IPO8: variants seen among roughly 807,000 people sequenced by gnomAD.
IPO8 encodes importin 8.
IPO8 carries 65 observed loss-of-function variants against 141.2 expected under a neutral mutation model. That is an observed-to-expected ratio of 0.46 (90% CI 0.38 to 0.57). IPO8 has a LOEUF of 0.57. IPO8 is among the 20% of genes least tolerant of loss of function. The pLI is 0.00. For synonymous variants in IPO8, 411 were observed against 420.3 expected, an observed-to-expected ratio of 0.98 and a Z score of 0.27; for missense variants, 980 against 1,246.8, an observed-to-expected ratio of 0.79 and a Z score of 3.22.
At chr12:30,640,852 AC>A (rs1405873707) in intron 20 of IPO8, among the ~76,000 whole-genome samples, 1 of 152,218 alleles carries the variant, frequency 6.6e-6, no homozygotes, top group Non-Finnish European at 1.5e-5. Context: ...TAGGAGGAGG[AC>A]ATTGAATGTT....
rs773540210 is a variant in IPO8 at position 30,637,237 on chromosome 12, G to A, written c.2490-50C>T. ...ATGTAGACATGAGAAGTGGAATAAA[G>A]AACAAATTCTGGAGAAACTACAAAA... On this transcript the variant is annotated intron_variant, in intron 21 of 24. Coordinates refer to ENST00000256079, the MANE Select transcript of IPO8 (RefSeq NM_006390.4). 2.9e-6 allele frequency: 4 copies of A among 1,379,294 alleles called. No homozygotes were observed. In the East Asian group the frequency reaches 6.9e-5, roughly 24 times the overall value. The allele number at this position is 1,379,294 out of a possible 1,614,324, so 85.4% of individuals were successfully genotyped here.
chr12:30,695,440 A>G lies in IPO8; in HGVS notation c.84+124T>C. On this transcript the variant is annotated intron_variant, in intron 1 of 24. Coordinates refer to ENST00000256079, the MANE Select transcript of IPO8 (RefSeq NM_006390.4). The surrounding 1 kb of genome is among the most constrained non-coding windows in gnomAD (Gnocchi z 4.2). ...GGCAGCGGGGTCGGAGAGCGGGACC[A>G]GCCGTGAGGCGTCAGCCCCAGCCCG... is the stretch of plus-strand genomic sequence containing the variant. 1.3e-6 allele frequency: 1 copy of G among 756,772 alleles called. No individual in the cohort carries two copies. Among genetic ancestry groups the G allele is most frequent in the Non-Finnish European group, 2.2e-6 (1 of 454,684 alleles). The allele number at this position is 756,772 out of a possible 1,614,324, so 46.9% of individuals were successfully genotyped here.
intron 8 of IPO8, 99 bp downstream of exon 8, chr12:30,673,891 G>A (rs2053083977): frequency 3.1e-6 from 2 of 643,884 alleles, no homozygotes; most frequent in East Asian, 2.6e-5. Flanking sequence ...CTATAAATAT[G>A]TAATGAATTA....
chr12:30,669,453 A>G (rs1285844815), intron 9 of IPO8, among the ~76,000 whole-genome samples, 171 bp from the exon 10 acceptor site: 1 of 151,986 alleles, frequency 6.6e-6, no homozygotes, highest in Non-Finnish European at 1.5e-5. Flanking sequence ...TTATTTTGAA[A>G]TTTTTTTTAA....
At chr12:30,658,153 C>A (rs1225975805) in intron 16 of IPO8, among the ~76,000 whole-genome samples, 1 of 152,100 alleles carries the variant, frequency 6.6e-6, no homozygotes, top group Non-Finnish European at 1.5e-5. Context: ...TCAAATGATC[C>A]AAAATTTCCC....
In IPO8 at chr12:30,675,201, AC is replaced by A. The variant is rs993018079; in HGVS notation, c.730-449del. On this transcript the variant is annotated intron_variant, in intron 6 of 24. Coordinates refer to ENST00000256079, the MANE Select transcript of IPO8 (RefSeq NM_006390.4). ...AATAATACTGCACATTTTAAGACAA[AC>A]TAAAATTTTAATAGATACAAGAACT... Among the ~76,000 whole-genome samples, 408 of 152,366 alleles carry A rather than the reference AC, an allele frequency of 2.7e-3. 1 individual carries two copies. Among genetic ancestry groups the A allele is most frequent in the African/African-American group, 9.3e-3 (386 of 41,584 alleles).
intron 7 of IPO8, 111 bp downstream of exon 7, chr12:30,674,548 G>T: frequency 1.3e-6 from 1 of 761,368 alleles, no homozygotes; most frequent in Non-Finnish European, 2.3e-6. Context: ...TTAAAATTAA[G>T]CTACTTTAAA....
chr12:30,655,403 T>A (rs1378172292), intron 17 of IPO8, among the ~76,000 whole-genome samples: 2 of 152,202 alleles, frequency 1.3e-5, no homozygotes, highest in African/African-American at 4.8e-5. Context: ...ATATATGTAT[T>A]TTGTGGAATG....
intron 22 of IPO8, among the ~76,000 whole-genome samples, chr12:30,635,281 T>C (rs1165641034): frequency 6.6e-6 from 1 of 152,090 alleles, no homozygotes; most frequent in African/African-American, 2.4e-5. Context: ...CAGTTAATAG[T>C]ATATGTACAT....
At chr12:30,688,221 G>A (rs2053260785) in intron 2 of IPO8, 1 of 197,076 alleles carries the variant, frequency 5.1e-6, no homozygotes, top group African/African-American at 2.4e-5. Context: ...TATTAATAAT[G>A]CTATTATGCT....
chr12:30,682,979 G>A (rs1446350774), intron 3 of IPO8, among the ~76,000 whole-genome samples: 2 of 152,120 alleles, frequency 1.3e-5, no homozygotes, highest in East Asian at 1.9e-4. Context: ...TTTAGTGCCA[G>A]TAGTAGCTGC....
chr12:30,688,342 G>A (rs1350217108), intron 2 of IPO8: 1 of 386,368 alleles, frequency 2.6e-6, no homozygotes, highest in Non-Finnish European at 5.0e-6. Flanking sequence ...TCACAGTAAG[G>A]TAAGAAAGGA....
chr12:30,671,474 G>C (rs972125506), intron 8 of IPO8, among the ~76,000 whole-genome samples: 12 of 151,850 alleles, frequency 7.9e-5, no homozygotes, highest in African/African-American at 1.7e-4. Context: ...GAGAACGAGA[G>C]CATCCTGGCT....
chr12:30,663,437 G>C (rs2052916435), intron 14 of IPO8, 52 bp downstream of exon 14: 2 of 1,475,886 alleles, frequency 1.4e-6, no homozygotes, highest in Non-Finnish European at 1.9e-6. Flanking sequence ...CATTAGGGAA[G>C]AAAGTAAATG....
At position 30,695,767 on chromosome 12, in the gene IPO8, C is replaced by T; in HGVS notation, c.-120G>A. On this transcript the variant is annotated 5_prime_UTR_variant, in exon 1 of 25. Coordinates refer to ENST00000256079, the MANE Select transcript of IPO8 (RefSeq NM_006390.4). This position sits in a 1 kb window ranked among gnomAD's most constrained non-coding sequence, Gnocchi z 4.2. ...CTGGATTACCTCACACCCCACCCCC[C>T]GCCACCGTCGCCACCTGCGGCCACT... The T allele has an allele frequency of 2.5e-6, 2 of 807,196 alleles. No individual in the cohort carries two copies. The highest frequency in any genetic ancestry group is 3.6e-5 in the South Asian group (2 of 55,480). 50.0% of individuals were successfully genotyped at this position (807,196 alleles called of 1,614,324 possible).
At chr12:30,644,854 T>C (rs1206278829) in intron 20 of IPO8, among the ~76,000 whole-genome samples, 3 of 151,442 alleles carry the variant, frequency 2.0e-5, no homozygotes, top group African/African-American at 7.3e-5. Flanking sequence ...GGTTTCACCA[T>C]GTTGGCCAGG....
At chr12:30,652,526 C>T (rs1483766438) in intron 18 of IPO8, among the ~76,000 whole-genome samples, 1 of 151,952 alleles carries the variant, frequency 6.6e-6, no homozygotes, top group Non-Finnish European at 1.5e-5. Flanking sequence ...TCCCTTTCTC[C>T]ACTGCACACT....
chr12:30,682,143 T>A (rs1279982514), intron 3 of IPO8, among the ~76,000 whole-genome samples: 1 of 152,178 alleles, frequency 6.6e-6, no homozygotes, highest in African/African-American at 2.4e-5. Context: ...AATTTCCAGC[T>A]TATTATATCT....
At position 30,681,707 on chromosome 12, in the gene IPO8, C is replaced by G; in HGVS notation, c.434G>C (p.Ser145Thr). Residue 145 changes from serine to threonine, a missense_variant, in exon 4 of 25, where the codon AGC (serine) becomes ACC (threonine). Transcript: ENST00000256079. The stretch of plus-strand genomic sequence containing the variant: ...CAGGCATAATAAACTGCCAAGCCAG[C>G]TTGCACTGCTCTGTGATTGCAAGTA... ...DYYLQSQSSA[S>T]WLGSLLCLYQ... 6.2e-7 allele frequency: 1 copy of G among 1,613,904 alleles called. No homozygotes were observed. Among genetic ancestry groups the G allele is most frequent in the East Asian group, 2.2e-5 (1 of 44,874 alleles).
Sources: gnomAD v4.1 joint callset for allele counts (sites outside exome capture counted in the v4.1 genomes callset) on GRCh38, gnomAD v4.1.1 for gene constraint, Gnocchi (gnomAD v3.1) non-coding constraint, MANE v1.5 for transcripts, NCBI Gene and HGNC (gene_info 2026-07-23, HGNC 2026-07-21) for gene names.